TMEM45A: variants seen among roughly 807,000 people sequenced by gnomAD.
TMEM45A encodes DNA polymerase-transactivated protein 4.
Under a neutral mutation model 32.0 loss-of-function variants are expected in TMEM45A, and 25 were observed. The ratio of observed to expected loss-of-function variants is 0.78; its 90% CI spans 0.57 to 1.09. The LOEUF (loss-of-function observed/expected upper bound fraction) is 1.09. TMEM45A is among the 50% of genes least tolerant of loss of function. The pLI, the probability that TMEM45A is intolerant of heterozygous loss-of-function variation, is 0.00. For missense variants in TMEM45A, 302 were observed against 325.0 expected (o/e 0.93, Z 0.54); for synonymous variants, 122 against 114.8 (o/e 1.06, Z -0.40).
At chr3:100,546,684 T>G (rs1280427956) in intron 1 of TMEM45A, among the ~76,000 whole-genome samples, 1 of 152,206 alleles carries the variant, frequency 6.6e-6, no homozygotes, top group Non-Finnish European at 1.5e-5. Context: ...TTTACCTCCT[T>G]AACATGTGCT....
At chr3:100,576,598 T>C (rs1706691774) in intron 5 of TMEM45A, among the ~76,000 whole-genome samples, 1 of 151,638 alleles carries the variant, frequency 6.6e-6, no homozygotes, top group Admixed American at 6.6e-5. Context: ...CCAGCCTGGG[T>C]GACAGAGCAA....
At chr3:100,563,048 G>A (rs1706366472) in intron 4 of TMEM45A, among the ~76,000 whole-genome samples, 1 of 152,200 alleles carries the variant, frequency 6.6e-6, no homozygotes, top group Non-Finnish European at 1.5e-5. Context: ...TTACTCTTCT[G>A]GAGACCAGAA....
At chr3:100,507,769 GT>G (rs1342906885) in intron 1 of TMEM45A, among the ~76,000 whole-genome samples, 5 of 152,002 alleles carry the variant, frequency 3.3e-5, no homozygotes, top group Non-Finnish European at 7.4e-5. Flanking sequence ...GATAGAGTAA[GT>G]TTATACTTTA....
At chr3:100,505,727 A>G (rs1039776702) in intron 1 of TMEM45A, among the ~76,000 whole-genome samples, 1 of 152,218 alleles carries the variant, frequency 6.6e-6, no homozygotes, top group Non-Finnish European at 1.5e-5. Context: ...ATGTCAGATA[A>G]AATACATGAA....
chr3:100,577,108 C>A lies in TMEM45A; in HGVS notation c.*90C>A. The stretch of plus-strand genomic sequence containing the variant: ...TCTCGATCTTTTGTTTGGAGAACAG[C>A]TGGCTAAGGATGACTCTAAGTGTAC... On this transcript the variant is annotated 3_prime_UTR_variant, in exon 6 of 6. Coordinates refer to ENST00000323523, the MANE Select transcript of TMEM45A (RefSeq NM_018004.3). 1 of 1,077,752 alleles carries A rather than the reference C, an allele frequency of 9.3e-7. No individual in the cohort carries two copies. The allele number at this position is 1,077,752 out of a possible 1,614,324, so 66.8% of individuals were successfully genotyped here.
chr3:100,514,614 A>G (rs1270206543), intron 1 of TMEM45A, among the ~76,000 whole-genome samples: 2 of 152,186 alleles, frequency 1.3e-5, no homozygotes, highest in Non-Finnish European at 2.9e-5. Flanking sequence ...ACAAAAGCCA[A>G]AATTGACAAG....
chr3:100,574,516 C>A (rs1706641256), intron 5 of TMEM45A: 1 of 152,186 alleles, frequency 6.6e-6, no homozygotes, highest in South Asian at 2.1e-4. Flanking sequence ...CAATAGCTTA[C>A]CAACCAAAAA....
intron 3 of TMEM45A, 37 bp downstream of exon 3, chr3:100,557,009 A>G: frequency 1.9e-6 from 3 of 1,595,528 alleles, no homozygotes; most frequent in Middle Eastern, 1.7e-4. Flanking sequence ...ACCTTTCTCT[A>G]TTAGTGAGCA....
At chr3:100,556,233 G>A (rs561427910) in intron 2 of TMEM45A, among the ~76,000 whole-genome samples, 22 of 152,266 alleles carry the variant, frequency 1.4e-4, no homozygotes, top group African/African-American at 4.1e-4. Flanking sequence ...TGCCTGCCTC[G>A]GCCTCCCGAA....
At chr3:100,567,612 G>A (rs4928049) in intron 4 of TMEM45A, among the ~76,000 whole-genome samples, 31,418 of 150,582 alleles carry the variant, frequency 0.21, 4,149 homozygotes, top group African/African-American at 0.35. Context: ...CAGCTCAACA[G>A]TATTAAGCTT....
chr3:100,534,342 T>C (rs950607050), intron 1 of TMEM45A, among the ~76,000 whole-genome samples: 1 of 152,182 alleles, frequency 6.6e-6, no homozygotes, highest in Non-Finnish European at 1.5e-5. Flanking sequence ...GGAGAGATTA[T>C]CCTGGATTAT....
chr3:100,511,779 A>T (rs1708166855), intron 1 of TMEM45A, among the ~76,000 whole-genome samples: 1 of 152,104 alleles, frequency 6.6e-6, no homozygotes, highest in Non-Finnish European at 1.5e-5. Flanking sequence ...ATGGAGGAAG[A>T]TCTACCGAGC....
intron 5 of TMEM45A, 76 bp from the exon 6 acceptor site, chr3:100,576,849 G>C: frequency 9.4e-7 from 1 of 1,065,216 alleles, no homozygotes; most frequent in South Asian, 1.4e-5. Flanking sequence ...TAGACTTTGT[G>C]GTATAATGGG....
In TMEM45A at chr3:100,496,707, C is replaced by A. The variant is rs146973321; in HGVS notation, c.-4+3779C>A. 1.8e-3 allele frequency among the ~76,000 whole-genome samples: 278 copies of A among 152,352 alleles called. 5 individuals carry two copies. In the East Asian group the frequency reaches 0.034, roughly 19 times the overall value. On this transcript the variant is annotated intron_variant, in intron 1 of 5. Transcript: ENST00000323523. ...ACATGTGGATCTCATTGCAGGCATG[C>A]ACTCTGTCTTTTCACCTTGTTTGAA... is the stretch of plus-strand genomic sequence containing the variant.
intron 1 of TMEM45A, among the ~76,000 whole-genome samples, chr3:100,499,835 C>T (rs1445247707): frequency 6.6e-6 from 1 of 152,200 alleles, no homozygotes; most frequent in African/African-American, 2.4e-5. Flanking sequence ...GAGATTGTGC[C>T]ACTGCACTCC....
intron 1 of TMEM45A, among the ~76,000 whole-genome samples, chr3:100,547,307 A>G (rs1705997134): frequency 6.6e-6 from 1 of 151,886 alleles, no homozygotes; most frequent in Admixed American, 6.6e-5. Flanking sequence ...TTTTTAGTAG[A>G]GATGGGGTTT....
intron 1 of TMEM45A, among the ~76,000 whole-genome samples, chr3:100,540,241 A>G (rs1396771420): frequency 1.3e-5 from 2 of 152,192 alleles, no homozygotes; most frequent in Non-Finnish European, 2.9e-5. Flanking sequence ...GGTGAAAGAC[A>G]CCATCAAGAG....
At chr3:100,519,178 T>G (rs1378302914) in intron 1 of TMEM45A, 4 of 183,536 alleles carry the variant, frequency 2.2e-5, no homozygotes, top group East Asian at 1.3e-4. Flanking sequence ...GAAAAGAGAG[T>G]TTTCTGGAGC....
chr3:100,576,784 C>A, intron 5 of TMEM45A, 141 bp from the exon 6 acceptor site: 1 of 696,082 alleles, frequency 1.4e-6, no homozygotes. Context: ...AGCTCCAAAG[C>A]CAAATAAAAG....
Sources: allele counts gnomAD v4.1 joint callset (sites outside exome capture counted in the v4.1 genomes callset), GRCh38; gene constraint gnomAD v4.1.1; transcripts MANE v1.5; gene names NCBI Gene and HGNC (gene_info 2026-07-23, HGNC 2026-07-21).